Variants in UNC13C observed in about 807,000 individuals in gnomAD.
The protein encoded by UNC13C is unc-13 homolog C, also known as protein unc-13 homolog C.
Under a neutral mutation model 245.4 loss-of-function variants are expected in UNC13C, and 174 were observed. The ratio of observed to expected loss-of-function variants is 0.71; its 90% CI spans 0.63 to 0.80. The LOEUF is 0.80. UNC13C is among the 30% of genes least tolerant of loss of function. The pLI is 0.00. For synonymous variants in UNC13C, 992 were observed against 895.1 expected, an observed-to-expected ratio of 1.11 and a Z score of -1.93; for missense variants, 2,829 against 2,602.9, an observed-to-expected ratio of 1.09 and a Z score of -1.89.
chr15:54,126,498 A>T (rs1402641854), intron 2 of UNC13C, among the ~76,000 whole-genome samples: 1 of 152,204 alleles, frequency 6.6e-6, no homozygotes, highest in East Asian at 1.9e-4. Context: ...AAGGAAAAAC[A>T]AACAAATCCA....
chr15:54,079,436 A>G (rs1047685144), intron 2 of UNC13C, among the ~76,000 whole-genome samples: 1 of 152,042 alleles, frequency 6.6e-6, no homozygotes, highest in South Asian at 2.1e-4. Context: ...AATTCTTCCT[A>G]TTCATAAGCA....
At chr15:54,089,213 T>G (rs558873190) in intron 2 of UNC13C, among the ~76,000 whole-genome samples, 37 of 152,326 alleles carry the variant, frequency 2.4e-4, no homozygotes, top group African/African-American at 8.9e-4. Flanking sequence ...GTATCTTCCT[T>G]GCTTGACTCT....
At chr15:54,150,190 T>G (rs938564095) in intron 4 of UNC13C, among the ~76,000 whole-genome samples, 1 of 152,244 alleles carries the variant, frequency 6.6e-6, no homozygotes, top group African/African-American at 2.4e-5. Flanking sequence ...ATAAGTTGCA[T>G]AGATTTAACA....
the UNC13C span, among the ~76,000 whole-genome samples, chr15:53,903,454 G>A: frequency 6.6e-6 from 1 of 152,166 alleles, no homozygotes; most frequent in African/African-American, 2.4e-5. Flanking sequence ...TCCAACCAGA[G>A]CAACACAAAT....
At chr15:53,840,784 C>T in the UNC13C span, among the ~76,000 whole-genome samples, 1 of 152,100 alleles carries the variant, frequency 6.6e-6, no homozygotes, top group African/African-American at 2.4e-5. Flanking sequence ...AAGCAGGATT[C>T]CATGATTACT....
chr15:54,309,472 A>G (rs1324656148), intron 13 of UNC13C, among the ~76,000 whole-genome samples: 1 of 151,702 alleles, frequency 6.6e-6, no homozygotes, highest in Non-Finnish European at 1.5e-5. Context: ...CACTTTGTTG[A>G]TTGTTTCCTT....
At chr15:53,855,151 C>T in the UNC13C span, among the ~76,000 whole-genome samples, 1 of 152,260 alleles carries the variant, frequency 6.6e-6, no homozygotes, top group South Asian at 2.1e-4. Context: ...ATTTTGTATT[C>T]TGAGGCTTTC....
chr15:54,181,841 T>C (rs1017853797), intron 4 of UNC13C, among the ~76,000 whole-genome samples: 3 of 152,000 alleles, frequency 2.0e-5, no homozygotes, highest in African/African-American at 7.2e-5. Flanking sequence ...CTTGAATGTT[T>C]TAGTGTTGTA....
chr15:54,476,702 G>A lies in UNC13C; in HGVS notation c.4934-17906G>A, dbSNP rs1372257240. On this transcript the variant is annotated intron_variant, in intron 19 of 32. Coordinates refer to ENST00000260323, the MANE Select transcript of UNC13C (RefSeq NM_001080534.3). ...TTGGTACCAGTACCATGCTCTTTTG[G>A]TTACTGTAGCCTTGTAGTATAGTTT... Among the ~76,000 whole-genome samples the A allele has an allele frequency of 2.7e-5, 4 of 150,930 alleles. No individual in the cohort carries two copies. The South Asian group carries it at 8.5e-4, about 32-fold the overall frequency.
At chr15:54,244,063 C>T (rs60076059) in intron 7 of UNC13C, among the ~76,000 whole-genome samples, 3,859 of 152,216 alleles carry the variant, frequency 0.025, 161 homozygotes, top group African/African-American at 0.089. Context: ...ATCACTGTGT[C>T]CTGAATGGTA....
intron 2 of UNC13C, among the ~76,000 whole-genome samples, chr15:54,016,148 C>T: frequency 1.3e-5 from 2 of 152,186 alleles, no homozygotes; most frequent in East Asian, 3.9e-4. Context: ...TCAGATTTCT[C>T]TGCTAAATTT....
the UNC13C span, among the ~76,000 whole-genome samples, chr15:53,906,159 C>G: frequency 1.3e-5 from 2 of 152,026 alleles, no homozygotes; most frequent in African/African-American, 4.8e-5. Context: ...CATGACAAAA[C>G]CTTGTCCCTA....
chr15:53,926,110 TTTAG>T, the UNC13C span, among the ~76,000 whole-genome samples: 1 of 151,520 alleles, frequency 6.6e-6, no homozygotes, highest in Admixed American at 6.5e-5. Context: ...GATTTAGTTT[TTTAG>T]TTTTTGTTTT....
chr15:54,289,652 A>C (rs957437044), intron 10 of UNC13C, among the ~76,000 whole-genome samples: 1 of 152,132 alleles, frequency 6.6e-6, no homozygotes, highest in East Asian at 1.9e-4. Flanking sequence ...TGTAGAGGTT[A>C]AAGTACTAGC....
chr15:54,082,430 A>G (rs890299072), intron 2 of UNC13C, among the ~76,000 whole-genome samples: 4 of 152,140 alleles, frequency 2.6e-5, no homozygotes, highest in African/African-American at 9.7e-5. Flanking sequence ...GTTGCTTTAC[A>G]TAGCCCCATG....
the UNC13C span, among the ~76,000 whole-genome samples, chr15:53,860,368 T>C: frequency 6.6e-6 from 1 of 152,154 alleles, no homozygotes; most frequent in Non-Finnish European, 1.5e-5. Flanking sequence ...GGGAGGTAAC[T>C]CACAATCGAA....
intron 19 of UNC13C, among the ~76,000 whole-genome samples, chr15:54,433,049 A>G (rs920503177): frequency 1.3e-5 from 2 of 152,110 alleles, no homozygotes; most frequent in African/African-American, 4.8e-5. Flanking sequence ...ACCAAGAAGA[A>G]GTTGAATCCC....
chr15:53,888,981 C>A, the UNC13C span, among the ~76,000 whole-genome samples: 1 of 152,142 alleles, frequency 6.6e-6, no homozygotes. Context: ...AGTCAGGTAG[C>A]ATGATCCCTC....
rs534225458 is a variant in UNC13C, at chr15:54,279,269, T to A, written c.3818+13773T>A. On this transcript the variant is annotated intron_variant, in intron 10 of 32. Transcript: ENST00000260323. ...ATAACCAACATTACTATTTGTGAATTCTTAAGAACATTTGCTCCGTTTGAG... is the reference window on the plus strand; with the variant it reads ...ATAACCAACATTACTATTTGTGAATACTTAAGAACATTTGCTCCGTTTGAG... 2.6e-5 allele frequency among the ~76,000 whole-genome samples: 4 copies of A among 152,318 alleles called. No individual in the cohort carries two copies. In the South Asian group the frequency reaches 8.3e-4, roughly 32 times the overall value.
Sources: allele counts gnomAD v4.1 joint callset (sites outside exome capture counted in the v4.1 genomes callset), GRCh38; gene constraint gnomAD v4.1.1; transcripts MANE v1.5; gene names NCBI Gene and HGNC (gene_info 2026-07-23, HGNC 2026-07-21).